Variants in RALGPS1 observed in about 807,000 individuals in gnomAD.
The protein encoded by RALGPS1 is Ral GEF with PH domain and SH3 binding motif 1.
A neutral mutation model predicts 78.8 loss-of-function variants in RALGPS1; 19 were observed. The ratio of observed to expected loss-of-function variants is 0.24; its 90% CI spans 0.17 to 0.35. The LOEUF is 0.35. Among genes scored for constraint, RALGPS1 ranks in the 10% least tolerant of loss-of-function variants. The pLI is 1.00. For synonymous variants in RALGPS1, 228 were observed against 256.3 expected (o/e 0.89, Z 1.06); for missense variants, 454 against 688.3 (o/e 0.66, Z 3.81).
chr9:127,221,165 G>T lies in RALGPS1; in HGVS notation c.*2396G>T, dbSNP rs985155398. 1 of 152,204 alleles carries T rather than the reference G, an allele frequency of 6.6e-6. No homozygotes were observed. Among genetic ancestry groups the T allele is most frequent in the African/African-American group, 2.4e-5 (1 of 41,454 alleles). The allele number at this position is 152,204 out of a possible 1,614,324, so 9.4% of individuals were successfully genotyped here. A position where few individuals can be genotyped will look rare whatever the true frequency, so the allele number is the denominator to read the frequency against. On this transcript the variant is annotated 3_prime_UTR_variant, in exon 19 of 19. Transcript: ENST00000259351. ...GGGCTCGGCCAAACATGGGAGTTAA[G>T]TGCTGCTTGTCTTCCCAGTGTTGGT...
chr9:126,939,117 A>G (rs1226844424), intron 1 of RALGPS1, among the ~76,000 whole-genome samples: 2 of 152,200 alleles, frequency 1.3e-5, no homozygotes, highest in African/African-American at 4.8e-5. Context: ...AGCACAGAAC[A>G]TGTTCCCCTG....
intron 1 of RALGPS1, among the ~76,000 whole-genome samples, chr9:126,919,055 C>T (rs930767368): frequency 3.3e-5 from 5 of 152,206 alleles, no homozygotes; most frequent in African/African-American, 1.2e-4. Context: ...AGTCCTTTTC[C>T]CTAGAGGCAG....
intron 8 of RALGPS1, among the ~76,000 whole-genome samples, chr9:127,120,589 C>T (rs777396734): frequency 4.4e-4 from 67 of 152,284 alleles, no homozygotes; most frequent in Non-Finnish European, 7.9e-4. Flanking sequence ...TTCGGGAGGC[C>T]GAGGTGGGCG....
intron 18 of RALGPS1, chr9:127,216,066 C>A (rs2062561556): frequency 6.6e-6 from 1 of 152,242 alleles, no homozygotes; most frequent in African/African-American, 2.4e-5. Flanking sequence ...ATGGGGACTT[C>A]ATGGTGCCAC....
At chr9:127,216,953 G>A in intron 18 of RALGPS1, 1 of 1,547,676 alleles carries the variant, frequency 6.5e-7, no homozygotes, top group South Asian at 1.2e-5. Flanking sequence ...GCCACGAGGT[G>A]GACCACCTGG....
intron 14 of RALGPS1, among the ~76,000 whole-genome samples, chr9:127,206,824 A>G (rs2061959005): frequency 6.6e-6 from 1 of 152,102 alleles, no homozygotes; most frequent in Non-Finnish European, 1.5e-5. Context: ...TGGAGTGAAG[A>G]TGGCCTTTCA....
chr9:127,140,533 A>C (rs572748249), intron 8 of RALGPS1, among the ~76,000 whole-genome samples: 39 of 152,166 alleles, frequency 2.6e-4, no homozygotes, highest in Non-Finnish European at 4.0e-4. Flanking sequence ...GGGGTCTTCC[A>C]CCAACAGAAC....
chr9:126,966,159 C>T (rs1588694245), intron 3 of RALGPS1, among the ~76,000 whole-genome samples: 1 of 152,060 alleles, frequency 6.6e-6, no homozygotes, highest in South Asian at 2.1e-4. Context: ...GAAGGCTGTA[C>T]GCTATATATA....
rs1388344014 is a variant in RALGPS1, at chr9:127,069,373, G to T, written c.610+17G>T. On this transcript the variant is annotated intron_variant, in intron 8 of 18. Coordinates refer to ENST00000259351, the MANE Select transcript of RALGPS1 (RefSeq NM_014636.3). ...CCTATCTAGGTAGGAGTTTGAATTG[G>T]CTTATTTTTTTTTAAGAAACCTACT... 6.2e-7 allele frequency: 1 copy of T among 1,610,170 alleles called. No individual in the cohort carries two copies. Among genetic ancestry groups the T allele is most frequent in the African/African-American group, 1.3e-5 (1 of 74,664 alleles).
At chr9:127,076,938 A>G (rs1247873006) in intron 8 of RALGPS1, among the ~76,000 whole-genome samples, 2 of 152,246 alleles carry the variant, frequency 1.3e-5, no homozygotes, top group African/African-American at 2.4e-5. Flanking sequence ...AGCTTGTGCA[A>G]GAACCCTAAA....
In RALGPS1 at chr9:126,962,248, AC is replaced by A; in HGVS notation, c.-40del. The A allele has an allele frequency of 6.2e-7, 1 of 1,607,094 alleles. No individual in the cohort carries two copies. Among genetic ancestry groups the A allele is most frequent in the Non-Finnish European group, 8.5e-7 (1 of 1,173,940 alleles). ...AGGACTTCTCCAGACAGGTTATGTT[AC>A]CTGCAGAGGCTGCCCTGAAGCTCCC... On this transcript the variant is annotated 5_prime_UTR_variant, in exon 2 of 19. The change abolishes the stop of an existing upstream ORF in the 5' untranslated region. Coordinates refer to ENST00000259351, the MANE Select transcript of RALGPS1 (RefSeq NM_014636.3).
intron 11 of RALGPS1, among the ~76,000 whole-genome samples, chr9:127,191,201 A>T (rs1224671615): frequency 6.6e-6 from 1 of 152,032 alleles, no homozygotes; most frequent in African/African-American, 2.4e-5. Context: ...ACTGATTTTG[A>T]TGTCGTTTTT....
chr9:126,935,659 C>T (rs557480895), intron 1 of RALGPS1, among the ~76,000 whole-genome samples: 8 of 152,202 alleles, frequency 5.3e-5, no homozygotes, highest in African/African-American at 1.9e-4. Flanking sequence ...AGCACGTTTC[C>T]AAAACTTTAT....
At chr9:127,160,521 G>C (rs770353214) in intron 8 of RALGPS1, among the ~76,000 whole-genome samples, 1 of 152,206 alleles carries the variant, frequency 6.6e-6, no homozygotes, top group Non-Finnish European at 1.5e-5. Context: ...TGGAAGGAGG[G>C]AGCAGAGCCC....
At chr9:126,923,272 GC>G (rs2034944966) in intron 1 of RALGPS1, among the ~76,000 whole-genome samples, 1 of 152,166 alleles carries the variant, frequency 6.6e-6, no homozygotes. Flanking sequence ...GTTTTGATGT[GC>G]ATAGAAGACA....
intron 4 of RALGPS1, among the ~76,000 whole-genome samples, chr9:127,004,398 G>C (rs1031320948): frequency 2.0e-5 from 3 of 152,184 alleles, no homozygotes; most frequent in African/African-American, 7.2e-5. Context: ...CACCTGCCTT[G>C]GCTTCCCAAA....
At chr9:127,004,368 AC>A (rs1321995230) in intron 4 of RALGPS1, among the ~76,000 whole-genome samples, 1 of 151,434 alleles carries the variant, frequency 6.6e-6, no homozygotes, top group Non-Finnish European at 1.5e-5. Flanking sequence ...CTGGTCTCAA[AC>A]TCCTGACCTC....
At chr9:127,141,872 A>C (rs1042261517) in intron 8 of RALGPS1, among the ~76,000 whole-genome samples, 3 of 152,186 alleles carry the variant, frequency 2.0e-5, no homozygotes, top group Admixed American at 1.3e-4. Context: ...TTATATGTAA[A>C]TGAATCATTG....
chr9:127,108,814 T>G, intron 8 of RALGPS1: 3 of 1,387,924 alleles, frequency 2.2e-6, no homozygotes, highest in Non-Finnish European at 9.7e-7. Flanking sequence ...TCAGTGATGG[T>G]CCCACCACTG....
Sources: allele counts gnomAD v4.1 joint callset (sites outside exome capture counted in the v4.1 genomes callset), GRCh38; gene constraint gnomAD v4.1.1; transcripts MANE v1.5; gene names NCBI Gene and HGNC (gene_info 2026-07-23, HGNC 2026-07-21).